The following ZDBF2 variants were observed in gnomAD, a reference collection of about 807,000 sequenced individuals.
ZDBF2 encodes the protein zinc finger DBF-type containing 2, also known as DBF4-type zinc finger-containing protein 2.
Under a neutral mutation model 9.4 loss-of-function variants are expected in ZDBF2, and 6 were observed. The observed-to-expected ratio is 0.64, with a 90% CI of 0.35 to 1.27. The LOEUF (loss-of-function observed/expected upper bound fraction) is 1.27. Among genes scored for constraint, ZDBF2 ranks in the 50% most tolerant of loss-of-function variants. ZDBF2 has a pLI of 0.03. For synonymous variants in ZDBF2, 905 were observed against 946.3 expected, an observed-to-expected ratio of 0.96 and a Z score of 0.80; for missense variants, 2,697 against 2,766.8, an observed-to-expected ratio of 0.97 and a Z score of 0.57.
intron 3 of ZDBF2, among the ~76,000 whole-genome samples, chr2:206,284,809 A>G (rs1469697996): frequency 4.6e-5 from 7 of 152,140 alleles, no homozygotes; most frequent in African/African-American, 1.7e-4. Flanking sequence ...GCTCACTGCA[A>G]CCTTCGCCTC....
chr2:206,311,597 T>C lies in ZDBF2; in HGVS notation c.*4T>C. On this transcript the variant is annotated 3_prime_UTR_variant, in exon 5 of 5. Transcript: ENST00000374423. The stretch of plus-strand genomic sequence containing the variant: ...GAGAGGTAATGAGGTAAAATAGAAG[T>C]TGGTTTTGTGTTCAGGCTAGTTGAG... The C allele has an allele frequency of 1.3e-6, 2 of 1,483,074 alleles. No homozygotes were observed. The highest frequency in any genetic ancestry group is 1.5e-5 in the South Asian group (1 of 65,688). 91.9% of individuals were successfully genotyped at this position (1,483,074 alleles called of 1,614,324 possible). A position where few individuals can be genotyped will look rare whatever the true frequency, so the allele number is the denominator to read the frequency against.
At position 206,307,382 on chromosome 2, in the gene ZDBF2, AGT is replaced by A. The variant is rs762196103; in HGVS notation, c.2857_2858del (p.Val953PhefsTer2). 1 of 1,613,188 alleles carries A rather than the reference AGT, an allele frequency of 6.2e-7. No homozygotes were observed. The highest frequency in any genetic ancestry group is 1.1e-5 in the South Asian group (1 of 90,758). ...AGAGCACATGTACTTAGAAAATAAGAGTGTTTTTGAAACAAGTTTGGATTCTG... is the reference window on the plus strand; with the variant it reads ...AGAGCACATGTACTTAGAAAATAAGAGTTTTTGAAACAAGTTTGGATTCTG... ...TKEHMYLENK[S>X]VFETSLDSDV... On this transcript the variant is annotated frameshift_variant, in exon 5 of 5. Coordinates refer to ENST00000374423, the MANE Select transcript of ZDBF2 (RefSeq NM_020923.3). LOFTEE classifies it low-confidence loss of function (END_TRUNC).
Position 206,310,748 on chromosome 2 carries a change from G to A in ZDBF2, c.6220G>A (p.Glu2074Lys), listed in dbSNP as rs1181861785. ...PPLSVIVPEF[E>K]RRNWVKIHFN... The stretch of plus-strand genomic sequence containing the variant: ...CCTGAGTGTAATAGTACCAGAGTTT[G>A]AGAGGCGTAACTGGGTTAAAATTCA... Residue 2074 changes from glutamate (E) to lysine (K), a missense_variant, in exon 5 of 5, where the codon GAG (glutamate) becomes AAG (lysine). Physicochemically the swap from Glu to Lys is moderately conservative, Grantham distance 56. Around this residue, in one of 3 missense-constraint regions of ZDBF2, gnomAD observed 1,783 missense variants for 1,776.5 expected, o/e 1.00. Coordinates refer to ENST00000374423, the MANE Select transcript of ZDBF2 (RefSeq NM_020923.3). 2 of 1,613,872 alleles carry A rather than the reference G, an allele frequency of 1.2e-6. No homozygotes were observed. The highest frequency in any genetic ancestry group is 1.7e-6 in the Non-Finnish European group (2 of 1,179,886).
Position 206,308,334 on chromosome 2 carries a change from A to T in ZDBF2, c.3806A>T (p.Glu1269Val). 6.2e-7 allele frequency: 1 copy of T among 1,613,306 alleles called. No individual in the cohort carries two copies. Among genetic ancestry groups the T allele is most frequent in the South Asian group, 1.1e-5 (1 of 90,902 alleles). The change falls in exon 5 of 5, where the codon GAG (glutamate) becomes GTG (valine). Residue 1269 changes from glutamate to valine, a missense_variant. Physicochemically the swap from Glu to Val is moderately radical, Grantham distance 121. Transcript: ENST00000374423. ...EVVKEVSLWK[E>V]HVDLENKIVK... is the part of the protein sequence containing the mutation. ...GTTAAGGAGGTCAGTCTTTGGAAAG[A>T]GCATGTTGACTTGGAAAATAAGATT... is the stretch of plus-strand genomic sequence containing the variant.
chr2:206,288,392 G>C (rs905822688), intron 3 of ZDBF2, among the ~76,000 whole-genome samples: 13 of 152,214 alleles, frequency 8.5e-5, no homozygotes, highest in African/African-American at 3.1e-4. Context: ...TTGTGGCAGT[G>C]GCAGCAGCAT....
At chr2:206,277,973 T>C (rs991258282) in intron 1 of ZDBF2, among the ~76,000 whole-genome samples, 5 of 152,180 alleles carry the variant, frequency 3.3e-5, no homozygotes, top group African/African-American at 4.8e-5. Context: ...TTAAACATTC[T>C]ATTTTATTTT....
Position 206,310,620 on chromosome 2 carries a change from G to C in ZDBF2, c.6092G>C (p.Arg2031Thr). 1 of 1,609,474 alleles carries C rather than the reference G, an allele frequency of 6.2e-7. No individual in the cohort carries two copies. The highest frequency in any genetic ancestry group is 1.3e-5 in the African/African-American group (1 of 74,916). ...GAAGGCCTTCCTTTCCCTAAAATGA[G>C]GCACCATAGTTGGGATAATGATATT... ...EGEGLPFPKM[R>T]HHSWDNDIRF... is the part of the protein sequence containing the mutation. The change falls in exon 5 of 5, where the codon AGG becomes ACG. Residue 2031 changes from arginine to threonine, a missense_variant. By Grantham distance (71) the Arg-to-Thr change is moderately conservative. This residue lies in a region of ZDBF2 where 1,783 missense variants were observed against 1,776.5 expected (regional missense o/e 1.00). Coordinates refer to ENST00000374423, the MANE Select transcript of ZDBF2 (RefSeq NM_020923.3).
chr2:206,297,970 C>T (rs111832714), intron 4 of ZDBF2, among the ~76,000 whole-genome samples: 1,846 of 152,186 alleles, frequency 0.012, 28 homozygotes, highest in African/African-American at 0.042. Context: ...CGTGAGCTAC[C>T]ACACCTGGCA....
chr2:206,311,004 C>T lies in ZDBF2; in HGVS notation c.6476C>T (p.Ser2159Phe). 1 of 1,611,092 alleles carries T rather than the reference C, an allele frequency of 6.2e-7. No homozygotes were observed. The highest frequency in any genetic ancestry group is 1.1e-5 in the South Asian group (1 of 90,034). The change falls in exon 5 of 5, where the codon TCT becomes TTT. Residue 2159 changes from serine to phenylalanine, a missense_variant. Physicochemically the swap from Ser to Phe is radical, Grantham distance 155. Around this residue, in one of 3 missense-constraint regions of ZDBF2, gnomAD observed 1,783 missense variants for 1,776.5 expected, o/e 1.00. Transcript: ENST00000374423. ...TFLNHDVVKI[S>F]PKSVRNKLLE... ...TTAAATCATGATGTTGTCAAAATCT[C>T]TCCAAAATCAGTTAGAAATAAGCTT...
chr2:206,309,783 G>T lies in ZDBF2; in HGVS notation c.5255G>T (p.Cys1752Phe). The stretch of plus-strand genomic sequence containing the variant: ...GATGGTTTTGAGATGAATTTTCAGT[G>T]TGCTCCCCCTCTTCCATCTGATACT... ...EPDGFEMNFQ[C>F]APPLPSDTDQ... The change falls in exon 5 of 5, where the codon TGT becomes TTT. Residue 1752 changes from cysteine to phenylalanine, a missense_variant. Physicochemically the swap from Cys to Phe is radical, Grantham distance 205. This residue lies in a region of ZDBF2 where 1,783 missense variants were observed against 1,776.5 expected (regional missense o/e 1.00). Transcript: ENST00000374423. 6.2e-7 allele frequency: 1 copy of T among 1,613,910 alleles called. No individual in the cohort carries two copies. The highest frequency in any genetic ancestry group is 8.5e-7 in the Non-Finnish European group (1 of 1,179,866).
At position 206,306,131 on chromosome 2, in the gene ZDBF2, A is replaced by G; in HGVS notation, c.1603A>G (p.Ser535Gly). 1.9e-6 allele frequency: 3 copies of G among 1,613,852 alleles called. No homozygotes were observed. The East Asian group carries it at 6.7e-5, about 36-fold the overall frequency. ...GLVDKNYGSS[S>G]SEVSADSVFP... is the part of the protein sequence containing the mutation. ...GGTTGATAAGAACTATGGTTCCAGT[A>G]GCTCTGAAGTAAGTGCTGATTCTGT... The change falls in exon 5 of 5, where the codon AGC becomes GGC. Residue 535 changes from serine to glycine, a missense_variant. Ser to Gly is a moderately conservative substitution (Grantham distance 56). Around this residue, in one of 3 missense-constraint regions of ZDBF2, gnomAD observed 910 missense variants for 973.6 expected, o/e 0.93. Coordinates refer to ENST00000374423, the MANE Select transcript of ZDBF2 (RefSeq NM_020923.3).
intron 3 of ZDBF2, among the ~76,000 whole-genome samples, chr2:206,284,419 T>A (rs12694051): frequency 0.53 from 80,122 of 151,968 alleles, 21,900 homozygotes; most frequent in Non-Finnish European, 0.6. Context: ...CACCTCAAAC[T>A]TTTATCATTT....
At position 206,287,129 on chromosome 2, in the gene ZDBF2, C is replaced by T. The variant is rs547019729; in HGVS notation, c.60+5220C>T. Among the ~76,000 whole-genome samples the T allele has an allele frequency of 1.8e-4, 28 of 152,208 alleles. No individual in the cohort carries two copies. In the South Asian group the frequency reaches 4.8e-3, roughly 26 times the overall value. On this transcript the variant is annotated intron_variant, in intron 3 of 4. Coordinates refer to ENST00000374423, the MANE Select transcript of ZDBF2 (RefSeq NM_020923.3). ...TTTGCTCTTTGGTGGGGTTGGATGTCTTTTCTCTTTCTCCTTTGCATGTCT... is the reference window on the plus strand; with the variant it reads ...TTTGCTCTTTGGTGGGGTTGGATGTTTTTTCTCTTTCTCCTTTGCATGTCT...
intron 2 of ZDBF2, among the ~76,000 whole-genome samples, chr2:206,280,926 G>A (rs13000165): frequency 0.51 from 77,547 of 151,894 alleles, 20,776 homozygotes; most frequent in Non-Finnish European, 0.6. Context: ...TTCTGTTTTC[G>A]GCTTAACAAA....
At position 206,311,506 on chromosome 2, in the gene ZDBF2, T is replaced by C. The variant is rs1693192918; in HGVS notation, c.6978T>C (p.Tyr2326=). ...GTCCTTCTACACCTGTGAGAGCATA[T>C]GATCTGAGAAGCTCATCTTGTTTAC... ...QKGPSTPVRA[Y]DLRSSSCLQQ... Residue 2326 remains tyrosine (Y), a synonymous_variant, in exon 5 of 5, where the codon TAT becomes TAC. Transcript: ENST00000374423. 6 of 1,587,144 alleles carry C rather than the reference T, an allele frequency of 3.8e-6. No individual in the cohort carries two copies. The highest frequency in any genetic ancestry group is 1.2e-5 in the South Asian group (1 of 86,192).
At chr2:206,289,022 C>G (rs1308247995) in intron 3 of ZDBF2, among the ~76,000 whole-genome samples, 1 of 152,144 alleles carries the variant, frequency 6.6e-6, no homozygotes, top group Non-Finnish European at 1.5e-5. Context: ...CTCAGCAGCT[C>G]AGACTCTAGG....
At chr2:206,297,714 T>G (rs1171840606) in intron 4 of ZDBF2, among the ~76,000 whole-genome samples, 1 of 152,128 alleles carries the variant, frequency 6.6e-6, no homozygotes, top group Non-Finnish European at 1.5e-5. Flanking sequence ...AGTTTCGCTC[T>G]TGTTGCCCAG....
chr2:206,289,772 A>C (rs1183929134), intron 3 of ZDBF2, among the ~76,000 whole-genome samples: 1 of 152,156 alleles, frequency 6.6e-6, no homozygotes, highest in East Asian at 1.9e-4. Flanking sequence ...TGGGGACTGC[A>C]GGGGTGAGGT....
In ZDBF2 at chr2:206,307,889, G is replaced by T. The variant is rs376603113; in HGVS notation, c.3361G>T (p.Asp1121Tyr). 277 of 1,613,548 alleles carry T rather than the reference G, an allele frequency of 1.7e-4. No homozygotes were observed. The highest frequency in any genetic ancestry group is 2.1e-4 in the Non-Finnish European group (252 of 1,179,754). Residue 1121 changes from aspartate to tyrosine, a missense_variant, in exon 5 of 5, where the codon GAT becomes TAT. By Grantham distance (160) the Asp-to-Tyr change is radical. This residue lies in a region of ZDBF2 where 1,783 missense variants were observed against 1,776.5 expected (regional missense o/e 1.00). Transcript: ENST00000374423. The stretch of plus-strand genomic sequence containing the variant: ...TACTTATAAATTAATACATCATCCT[G>T]ATGTTTCTGTCCAATCTGTGGCTGA... Reference protein sequence around the residue: ...PSTYKLIHHPDVSVQSVADQP... With the variant: ...PSTYKLIHHPYVSVQSVADQP...
Sources: allele counts gnomAD v4.1 joint callset (sites outside exome capture counted in the v4.1 genomes callset), GRCh38; gene constraint gnomAD v4.1.1; regional missense constraint gnomAD v4.1.1; transcripts MANE v1.5; gene names NCBI Gene and HGNC (gene_info 2026-07-23, HGNC 2026-07-21).